Variants in CEP112 observed in about 807,000 individuals in gnomAD.
CEP112 encodes the protein centrosomal protein of 112 kDa.
CEP112 carries 127 observed loss-of-function variants against 153.0 expected under a neutral mutation model. The ratio of observed to expected loss-of-function variants is 0.83; its 90% confidence interval spans 0.72 to 0.96. CEP112 has a LOEUF of 0.96. CEP112 is among the 40% of genes least tolerant of loss of function. The probability of loss-of-function intolerance (pLI) is 0.00; values close to 1 mark genes in which losing one functional copy is unlikely to be tolerated. For missense variants in CEP112, 1,089 were observed against 1,101.2 expected (o/e 0.99, Z 0.16); for synonymous variants, 358 against 374.4 (o/e 0.96, Z 0.51).
chr17:65,694,424 A>G (rs376894077), intron 23 of CEP112, among the ~76,000 whole-genome samples: 1 of 152,220 alleles, frequency 6.6e-6, no homozygotes, highest in Non-Finnish European at 1.5e-5. Context: ...ACCATATTTT[A>G]TCAGTATTAT....
chr17:66,070,101 C>G, intron 8 of CEP112, 100 bp from the exon 9 acceptor site: 1 of 654,472 alleles, frequency 1.5e-6, no homozygotes, highest in Non-Finnish European at 2.7e-6. Context: ...AGACAGTTAT[C>G]ATTTTCCACC....
chr17:65,969,224 G>C (rs938399909), intron 17 of CEP112, among the ~76,000 whole-genome samples: 1 of 151,998 alleles, frequency 6.6e-6, no homozygotes, highest in African/African-American at 2.4e-5. Context: ...TGGGATTACA[G>C]GCATGCAGTA....
At chr17:65,768,639 G>A (rs989870171) in intron 21 of CEP112, among the ~76,000 whole-genome samples, 1 of 148,520 alleles carries the variant, frequency 6.7e-6, no homozygotes, top group African/African-American at 2.5e-5. Flanking sequence ...ATGCAAGGCT[G>A]GTTTAATATA....
At chr17:65,755,268 A>G (rs930213175) in intron 21 of CEP112, among the ~76,000 whole-genome samples, 1 of 152,118 alleles carries the variant, frequency 6.6e-6, no homozygotes, top group African/African-American at 2.4e-5. Flanking sequence ...AAACATGCAT[A>G]TCTTCACATG....
At chr17:66,076,191 C>T (rs189080057) in intron 8 of CEP112, among the ~76,000 whole-genome samples, 59 of 152,130 alleles carry the variant, frequency 3.9e-4, no homozygotes, top group African/African-American at 1.4e-3. Context: ...TTGAACTGGG[C>T]GAGAAGGCTC....
intron 19 of CEP112, among the ~76,000 whole-genome samples, chr17:65,905,213 G>A (rs2060024620): frequency 6.6e-6 from 1 of 152,052 alleles, no homozygotes; most frequent in Admixed American, 6.6e-5. Flanking sequence ...ATCTGAGAAA[G>A]GGTTAATATC....
intron 24 of CEP112, among the ~76,000 whole-genome samples, chr17:65,679,233 T>C (rs1489824092): frequency 4.2e-5 from 6 of 143,980 alleles, no homozygotes; most frequent in African/African-American, 1.3e-4. Context: ...AAATTACATG[T>C]GGTTCTATCT....
intron 6 of CEP112, among the ~76,000 whole-genome samples, chr17:66,120,343 G>A (rs2069514825): frequency 6.6e-6 from 1 of 152,076 alleles, no homozygotes; most frequent in Non-Finnish European, 1.5e-5. Flanking sequence ...TAGGACTACA[G>A]GCACATGCCA....
chr17:65,851,723 G>A, intron 21 of CEP112, 81 bp downstream of exon 21: 1 of 977,376 alleles, frequency 1.0e-6, no homozygotes, highest in Non-Finnish European at 1.6e-6. Context: ...CTACCTTTTG[G>A]AGATTAAATA....
chr17:65,777,048 T>G (rs1265648113), intron 21 of CEP112, among the ~76,000 whole-genome samples: 4 of 152,222 alleles, frequency 2.6e-5, no homozygotes, highest in Admixed American at 6.5e-5. Context: ...GAATAAAGAC[T>G]ACATTTTCCA....
rs112204853 is a variant in CEP112 at position 65,921,282 on chromosome 17, T to C, written c.1980+6300A>G. On this transcript the variant is annotated intron_variant, in intron 19 of 26. Coordinates refer to ENST00000535342, the MANE Select transcript of CEP112 (RefSeq NM_001199165.4). ...TGTTCAAAGAAGGAAATGAGCTTAG[T>C]TTAATCGGCTTCATTCTTAGTGTAC... 9.3e-4 allele frequency among the ~76,000 whole-genome samples: 141 copies of C among 152,320 alleles called. 1 individual carries two copies. The highest frequency in any genetic ancestry group is 3.3e-3 in the African/African-American group (139 of 41,572).
chr17:65,753,706 T>C (rs2052033021), intron 21 of CEP112, among the ~76,000 whole-genome samples: 1 of 152,346 alleles, frequency 6.6e-6, no homozygotes, highest in South Asian at 2.1e-4. Flanking sequence ...ATTTGTTGCT[T>C]TTAAAATAAA....
chr17:65,829,020 A>G (rs1381988513), intron 21 of CEP112, among the ~76,000 whole-genome samples: 1 of 152,170 alleles, frequency 6.6e-6, no homozygotes, highest in Non-Finnish European at 1.5e-5. Context: ...ATTCTCAACA[A>G]TAGCATTTTA....
intron 22 of CEP112, among the ~76,000 whole-genome samples, chr17:65,748,980 A>C (rs930345523): frequency 4.6e-5 from 7 of 152,338 alleles, no homozygotes; most frequent in Admixed American, 2.0e-4. Context: ...GGATATGCCA[A>C]CTGGGGATTT....
chr17:66,023,916 A>G (rs34983312), intron 16 of CEP112, among the ~76,000 whole-genome samples: 78,269 of 151,996 alleles, frequency 0.51, 21,084 homozygotes, highest in African/African-American at 0.59. Flanking sequence ...GCAAAAATCC[A>G]TAATAAAATA....
Position 66,029,929 on chromosome 17 carries a change from T to C in CEP112, c.1313A>G (p.Lys438Arg), listed in dbSNP as rs765256923. Reference protein sequence around the residue: ...NLQRQKLIQEKAELERCYQIT... With the variant: ...NLQRQKLIQERAELERCYQIT... ...CTGGTAACATCTTTCAAGTTCTGCT[T>C]TTTCTTGAATTAATTTCTGCCTCTG... Residue 438 changes from lysine (K) to arginine (R), a missense_variant, in exon 13 of 27, where the codon AAA becomes AGA. By Grantham distance (26) the Lys-to-Arg change is conservative. Transcript: ENST00000535342. 6.2e-7 allele frequency: 1 copy of C among 1,613,788 alleles called. No individual in the cohort carries two copies. Among genetic ancestry groups the C allele is most frequent in the Non-Finnish European group, 8.5e-7 (1 of 1,179,772 alleles).
intron 4 of CEP112, among the ~76,000 whole-genome samples, chr17:66,143,924 A>G (rs150926568): frequency 0.035 from 5,378 of 152,198 alleles, 136 homozygotes; most frequent in Middle Eastern, 0.061. Flanking sequence ...TCTGCCTCCT[A>G]TTTCTCTGCT....
intron 23 of CEP112, among the ~76,000 whole-genome samples, chr17:65,704,040 C>T (rs1037914467): frequency 4.6e-5 from 7 of 152,012 alleles, no homozygotes; most frequent in African/African-American, 1.7e-4. Flanking sequence ...CAGACGAGGT[C>T]ACCCTGGAGT....
chr17:66,014,929 C>T (rs1256104791), intron 16 of CEP112, among the ~76,000 whole-genome samples: 2 of 152,178 alleles, frequency 1.3e-5, no homozygotes, highest in South Asian at 2.1e-4. Flanking sequence ...TATTGATTTA[C>T]CTATCTTGAG....
Sources: gnomAD v4.1 joint callset for allele counts (sites outside exome capture counted in the v4.1 genomes callset) on GRCh38, gnomAD v4.1.1 for gene constraint, MANE v1.5 for transcripts, NCBI Gene and HGNC (gene_info 2026-07-23, HGNC 2026-07-21) for gene names.